Variants in DLGAP1 observed in about 807,000 individuals in gnomAD.
DLGAP1 encodes the protein DLG associated protein 1.
In DLGAP1, 11 loss-of-function variants were observed where a neutral mutation model predicts 90.8. The observed-to-expected ratio is 0.12, with a 90% CI of 0.08 to 0.20. The LOEUF is 0.20. Ranked by LOEUF, DLGAP1 falls within the 10% of genes least tolerant of loss-of-function variation. The pLI, the probability that DLGAP1 is intolerant of heterozygous loss-of-function variation, is 1.00. For missense variants in DLGAP1, 1,050 were observed against 1,333.8 expected (o/e 0.79, Z 3.31); for synonymous variants, 558 against 540.7 (o/e 1.03, Z -0.44).
chr18:3,703,851 G>A (rs571612651), intron 7 of DLGAP1, among the ~76,000 whole-genome samples: 2 of 152,132 alleles, frequency 1.3e-5, no homozygotes, highest in African/African-American at 2.4e-5. Context: ...TTCCACACAC[G>A]GTTTTTGCGA....
chr18:3,627,130 A>G (rs1045269044), intron 7 of DLGAP1, among the ~76,000 whole-genome samples: 2 of 152,070 alleles, frequency 1.3e-5, no homozygotes, highest in Non-Finnish European at 2.9e-5. Flanking sequence ...AATAGAGATG[A>G]GGGCTCACTA....
chr18:3,543,672 T>G (rs989480571), intron 9 of DLGAP1, among the ~76,000 whole-genome samples: 1 of 152,188 alleles, frequency 6.6e-6, no homozygotes, highest in African/African-American at 2.4e-5. Context: ...AAACAACTGT[T>G]TCCAAGACAT....
intron 1 of DLGAP1, among the ~76,000 whole-genome samples, chr18:4,331,366 T>C (rs985644442): frequency 6.6e-6 from 1 of 151,772 alleles, no homozygotes; most frequent in Non-Finnish European, 1.5e-5. Context: ...TCTTTTCTCC[T>C]ACCCATCAAG....
intron 1 of DLGAP1, among the ~76,000 whole-genome samples, chr18:4,319,946 A>G (rs2080635582): frequency 6.6e-6 from 1 of 151,578 alleles, no homozygotes; most frequent in South Asian, 2.1e-4. Context: ...CAGCCCTCCC[A>G]CTCTGGGAGG....
chr18:3,712,036 G>C (rs928108082), intron 7 of DLGAP1, among the ~76,000 whole-genome samples: 1 of 152,094 alleles, frequency 6.6e-6, no homozygotes, highest in African/African-American at 2.4e-5. Context: ...CACTGACCCC[G>C]GTGGGGTGGC....
chr18:3,936,472 G>C (rs4798150), intron 3 of DLGAP1, among the ~76,000 whole-genome samples: 74,505 of 152,034 alleles, frequency 0.49, 18,458 homozygotes, highest in Non-Finnish European at 0.52. Context: ...CATTTGAAAA[G>C]GATGGCTTCC....
chr18:4,172,927 C>T (rs374525310), intron 1 of DLGAP1, among the ~76,000 whole-genome samples: 6 of 152,316 alleles, frequency 3.9e-5, no homozygotes, highest in Middle Eastern at 3.4e-3. Flanking sequence ...TGCTTTGAAG[C>T]TAAAACTTCC....
intron 3 of DLGAP1, among the ~76,000 whole-genome samples, chr18:3,884,529 G>T (rs1428880192): frequency 1.3e-5 from 2 of 152,144 alleles, no homozygotes. Context: ...TTTTAATCAG[G>T]TATTCAGTAT....
chr18:3,718,940 A>G (rs2061865548), intron 7 of DLGAP1, among the ~76,000 whole-genome samples: 1 of 151,812 alleles, frequency 6.6e-6, no homozygotes, highest in South Asian at 2.1e-4. Flanking sequence ...AAAAAAAAAA[A>G]AAAAAGAAAT....
At chr18:4,198,759 C>T (rs1261744660) in intron 1 of DLGAP1, among the ~76,000 whole-genome samples, 1 of 152,124 alleles carries the variant, frequency 6.6e-6, no homozygotes, top group Non-Finnish European at 1.5e-5. Context: ...CCTCATATTC[C>T]TTGTAGGTGC....
In DLGAP1 at chr18:3,499,448, G is replaced by T. The variant is rs1483597388; in HGVS notation, c.2725-54C>A. ...ACACAGCTTCTCAGGACAAGCTTGG[G>T]AAAAACTGGGATAGGTCAGTAGTTA... is the stretch of plus-strand genomic sequence containing the variant. On this transcript the variant is annotated intron_variant, in intron 12 of 12. Transcript: ENST00000315677. The surrounding 1 kb of genome is among the most constrained non-coding windows in gnomAD (Gnocchi z 6.4). The T allele has an allele frequency of 6.5e-7, 1 of 1,534,308 alleles. No homozygotes were observed. Among genetic ancestry groups the T allele is most frequent in the Non-Finnish European group, 8.8e-7 (1 of 1,136,192 alleles).
chr18:4,081,476 A>T (rs2075607544), intron 2 of DLGAP1, among the ~76,000 whole-genome samples: 1 of 152,182 alleles, frequency 6.6e-6, no homozygotes, highest in Non-Finnish European at 1.5e-5. Flanking sequence ...GATACCCCAA[A>T]ATATGGTGCT....
intron 9 of DLGAP1, among the ~76,000 whole-genome samples, chr18:3,567,058 AT>A (rs1237486879): frequency 4.9e-5 from 6 of 123,644 alleles, no homozygotes; most frequent in African/African-American, 2.0e-4. Flanking sequence ...TCATTCATTC[AT>A]TCATTCATTC....
chr18:3,821,403 A>G (rs886503994), intron 4 of DLGAP1, among the ~76,000 whole-genome samples: 1 of 150,510 alleles, frequency 6.6e-6, no homozygotes, highest in Non-Finnish European at 1.5e-5. Flanking sequence ...CTTGCCTCTG[A>G]TGAATCCGTG....
chr18:4,255,729 T>C (rs2145223804), intron 1 of DLGAP1, among the ~76,000 whole-genome samples: 1 of 152,138 alleles, frequency 6.6e-6, no homozygotes, highest in South Asian at 2.1e-4. Context: ...TGTTACTACC[T>C]AAACCTCTAA....
At chr18:4,416,030 C>T (rs1308482796) in intron 1 of DLGAP1, among the ~76,000 whole-genome samples, 3 of 152,076 alleles carry the variant, frequency 2.0e-5, no homozygotes, top group African/African-American at 7.2e-5. Context: ...TGTTTATGCT[C>T]TTCAATAAAC....
chr18:3,780,900 C>T (rs2065158946), intron 5 of DLGAP1, among the ~76,000 whole-genome samples: 1 of 152,178 alleles, frequency 6.6e-6, no homozygotes, highest in South Asian at 2.1e-4. Context: ...ACCTCGAATT[C>T]CTGGGCTCAA....
chr18:4,134,340 T>C (rs139970523), intron 2 of DLGAP1, among the ~76,000 whole-genome samples: 2,871 of 151,892 alleles, frequency 0.019, 77 homozygotes, highest in South Asian at 0.089. Flanking sequence ...GGGCGGGAGG[T>C]TGGGGGGACT....
chr18:4,103,838 T>C (rs907176037), intron 2 of DLGAP1, among the ~76,000 whole-genome samples: 6 of 152,150 alleles, frequency 3.9e-5, no homozygotes, highest in Non-Finnish European at 7.4e-5. Context: ...TTTGTTAACA[T>C]AGATAAAAAA....
Sources: allele counts gnomAD v4.1 joint callset (sites outside exome capture counted in the v4.1 genomes callset), GRCh38; gene constraint gnomAD v4.1.1; non-coding constraint Gnocchi (gnomAD v3.1); transcripts MANE v1.5; gene names NCBI Gene and HGNC (gene_info 2026-07-23, HGNC 2026-07-21).